The following CACNA1E variants were observed in gnomAD, a reference collection of about 807,000 sequenced individuals.
CACNA1E encodes the protein voltage-dependent R-type calcium channel subunit alpha-1E.
A neutral mutation model predicts 259.2 loss-of-function variants in CACNA1E; 40 were observed. The observed-to-expected ratio is 0.15, with a 90% CI of 0.12 to 0.20. The LOEUF (loss-of-function observed/expected upper bound fraction) is 0.20, where lower values mean the gene tolerates loss of function less well. CACNA1E is among the 10% of genes least tolerant of loss of function. CACNA1E has a pLI of 1.00. For missense variants in CACNA1E, 1,874 were observed against 3,040.1 expected, an observed-to-expected ratio of 0.62 and a Z score of 9.02; for synonymous variants, 1,104 against 1,138.5, an observed-to-expected ratio of 0.97 and a Z score of 0.61.
intron 2 of CACNA1E, among the ~76,000 whole-genome samples, chr1:181,450,480 CAAG>C (rs1365010495): frequency 6.6e-6 from 1 of 151,160 alleles, no homozygotes; most frequent in Non-Finnish European, 1.5e-5. Context: ...AGAAGGGGTT[CAAG>C]AAGAAGGAAA....
intron 1 of CACNA1E, among the ~76,000 whole-genome samples, chr1:181,389,196 T>C (rs913233296): frequency 3.3e-5 from 5 of 152,222 alleles, no homozygotes; most frequent in African/African-American, 1.2e-4. Context: ...ATTGCAGCTT[T>C]CTTGCACTTA....
At chr1:181,727,989 T>G (rs1185588834) in intron 18 of CACNA1E, among the ~76,000 whole-genome samples, 2 of 152,200 alleles carry the variant, frequency 1.3e-5, no homozygotes, top group Non-Finnish European at 2.9e-5. Flanking sequence ...GCCTGGCCCC[T>G]GGATCCCTCT....
intron 43 of CACNA1E, among the ~76,000 whole-genome samples, chr1:181,786,514 AACTT>A (rs1660859927): frequency 6.6e-6 from 1 of 151,438 alleles, no homozygotes; most frequent in African/African-American, 2.4e-5. Context: ...TCAGAAAGGG[AACTT>A]ACTTTTTCTA....
intron 6 of CACNA1E, among the ~76,000 whole-genome samples, chr1:181,641,771 TGGTGTGATCTCG>T (rs1657800878): frequency 7.1e-6 from 1 of 140,656 alleles, no homozygotes; most frequent in Admixed American, 7.7e-5. Context: ...TGGAGTGTAG[TGGTGTGATCTCG>T]GCTTACTGCA....
intron 3 of CACNA1E, among the ~76,000 whole-genome samples, chr1:181,516,448 C>G (rs1488230175): frequency 2.0e-5 from 3 of 148,592 alleles, no homozygotes; most frequent in African/African-American, 7.7e-5. Flanking sequence ...TACCCAGTCC[C>G]ATTTTACAGA....
At chr1:181,669,516 A>G (rs1648579452) in intron 7 of CACNA1E, among the ~76,000 whole-genome samples, 1 of 152,184 alleles carries the variant, frequency 6.6e-6, no homozygotes, top group African/African-American at 2.4e-5. Flanking sequence ...TGCACTATAT[A>G]TACTCCTCTA....
At chr1:181,501,969 G>T (rs1033709628) in intron 1 of CACNA1E, among the ~76,000 whole-genome samples, 4 of 152,192 alleles carry the variant, frequency 2.6e-5, no homozygotes, top group African/African-American at 7.2e-5. Context: ...ATGAGGTTGG[G>T]TGGTGAGAAA....
chr1:181,726,130 C>G lies in CACNA1E; in HGVS notation c.2208C>G (p.Ser736Arg). 1 of 1,612,866 alleles carries G rather than the reference C, an allele frequency of 6.2e-7. No homozygotes were observed. The highest frequency in any genetic ancestry group is 8.5e-7 in the Non-Finnish European group (1 of 1,179,370). Residue 736 changes from serine to arginine, a missense_variant, in exon 18 of 48, where the codon AGC (serine) becomes AGG (arginine). Coordinates refer to ENST00000367573, the MANE Select transcript of CACNA1E (RefSeq NM_001205293.3). ...KHALQKAKEV[S>R]PMSAPNMPSI... ...CACTGCAGAAGGCCAAGGAGGTCAG[C>G]CCGATGTCTGCACCCAACATGCCTT...
At position 181,732,889 on chromosome 1, in the gene CACNA1E, T is replaced by A. The variant is rs1336307176; in HGVS notation, c.2803T>A (p.Ser935Thr). Reference protein sequence around the residue: ...RVRTEGKESSSASRSRSASQE... With the variant: ...RVRTEGKESSTASRSRSASQE... ...CAGGACAGAAGGCAAGGAGTCCTCT[T>A]CAGCCTCCCGGAGCAGGTCTGCCAG... Residue 935 changes from serine (S) to threonine (T), a missense_variant, in exon 20 of 48, where the codon TCA (serine) becomes ACA (threonine). Coordinates refer to ENST00000367573, the MANE Select transcript of CACNA1E (RefSeq NM_001205293.3). This position sits in a 1 kb window ranked among gnomAD's most constrained non-coding sequence, Gnocchi z 5.5. 1 of 1,613,940 alleles carries A rather than the reference T, an allele frequency of 6.2e-7. No individual in the cohort carries two copies. The highest frequency in any genetic ancestry group is 1.1e-5 in the South Asian group (1 of 91,074).
chr1:181,672,656 C>T (rs1353601091), intron 7 of CACNA1E, among the ~76,000 whole-genome samples: 1 of 152,210 alleles, frequency 6.6e-6, no homozygotes, highest in Admixed American at 6.5e-5. Context: ...TCATTTCTGG[C>T]CCCCTTTCCT....
intron 1 of CACNA1E, among the ~76,000 whole-genome samples, chr1:181,504,138 A>T (rs1204911819): frequency 6.6e-6 from 1 of 152,176 alleles, no homozygotes; most frequent in Non-Finnish European, 1.5e-5. Flanking sequence ...AGGCTGTTAC[A>T]TCTCTTGGAT....
chr1:181,708,795 A>G (rs2102413481), intron 7 of CACNA1E, among the ~76,000 whole-genome samples: 1 of 152,366 alleles, frequency 6.6e-6, no homozygotes. Flanking sequence ...GAATGGTTGT[A>G]AAGATTAAAT....
rs1024120657 is a variant in CACNA1E at position 181,609,229 on chromosome 1, G to A, written c.951+28453G>A. On this transcript the variant is annotated intron_variant, in intron 6 of 47. Coordinates refer to ENST00000367573, the MANE Select transcript of CACNA1E (RefSeq NM_001205293.3). ...GGAAAGAAAGTGAAATGCTGGCGGT[G>A]CCCCCTGGGTGTAGGCCTGAAATAA... Among the ~76,000 whole-genome samples, 3 of 152,212 alleles carry A rather than the reference G, an allele frequency of 2.0e-5. No individual in the cohort carries two copies. In the East Asian group the frequency reaches 5.8e-4, roughly 29 times the overall value.
chr1:181,638,175 C>A (rs535165753), intron 6 of CACNA1E, among the ~76,000 whole-genome samples: 22 of 152,188 alleles, frequency 1.4e-4, no homozygotes, highest in African/African-American at 4.8e-4. Context: ...CAAGATCTCC[C>A]TGGCAACAGA....
At chr1:181,603,913 G>A (rs1003485069) in intron 6 of CACNA1E, among the ~76,000 whole-genome samples, 3 of 152,236 alleles carry the variant, frequency 2.0e-5, no homozygotes, top group Non-Finnish European at 2.9e-5. Context: ...TGCAGCTGCC[G>A]CCGAGCTGCT....
At chr1:181,654,888 G>A (rs1251371006) in intron 7 of CACNA1E, among the ~76,000 whole-genome samples, 1 of 151,290 alleles carries the variant, frequency 6.6e-6, no homozygotes, top group African/African-American at 2.4e-5. Flanking sequence ...AGAGGCTGAG[G>A]CAGGAGAATG....
At chr1:181,781,608 G>A in intron 39 of CACNA1E, 85 bp downstream of exon 39, 1 of 754,946 alleles carries the variant, frequency 1.3e-6, no homozygotes, top group South Asian at 1.5e-5. Context: ...TGGGGAGGAA[G>A]CCAGGCTGGG....
At chr1:181,771,663 A>T in intron 36 of CACNA1E, 1 of 476,870 alleles carries the variant, frequency 2.1e-6, no homozygotes, top group South Asian at 4.0e-5. Flanking sequence ...AGAAAATTTC[A>T]TCAATGTCTT....
At chr1:181,778,037 T>C (rs1660114549) in intron 38 of CACNA1E, among the ~76,000 whole-genome samples, 1 of 152,216 alleles carries the variant, frequency 6.6e-6, no homozygotes, top group Non-Finnish European at 1.5e-5. Flanking sequence ...AAGAAATGAT[T>C]CCATGAGGAT....
Sources: allele counts gnomAD v4.1 joint callset (sites outside exome capture counted in the v4.1 genomes callset), GRCh38; gene constraint gnomAD v4.1.1; non-coding constraint Gnocchi (gnomAD v3.1); transcripts MANE v1.5; gene names NCBI Gene and HGNC (gene_info 2026-07-23, HGNC 2026-07-21).